DPP6: variants seen among roughly 807,000 people sequenced by gnomAD.
The protein encoded by DPP6 is A-type potassium channel modulatory protein DPP6.
DPP6 carries 69 observed loss-of-function variants against 122.6 expected under a neutral mutation model. That is an observed-to-expected ratio of 0.56 (90% confidence interval 0.46 to 0.69). The LOEUF is 0.69. DPP6 is among the 30% of genes least tolerant of loss of function. The pLI is 0.00. For missense variants in DPP6, 928 were observed against 1,116.9 expected, an observed-to-expected ratio of 0.83 and a Z score of 2.41; for synonymous variants, 418 against 433.1, an observed-to-expected ratio of 0.97 and a Z score of 0.43.
chr7:154,061,939 G>A (rs1452915828), intron 1 of DPP6, among the ~76,000 whole-genome samples: 1 of 132,984 alleles, frequency 7.5e-6, no homozygotes, highest in Non-Finnish European at 1.6e-5. Flanking sequence ...ATCGCAGGAG[G>A]GGGAGGCAAC....
the DPP6 span, among the ~76,000 whole-genome samples, chr7:153,872,440 C>G: frequency 6.6e-6 from 1 of 152,126 alleles, no homozygotes; most frequent in Non-Finnish European, 1.5e-5. Flanking sequence ...GTTAAATTAT[C>G]AGGACAAGTA....
chr7:154,052,885 C>G lies in DPP6; in HGVS notation c.65C>G (p.Pro22Arg). The change falls in exon 1 of 26, where the codon CCG (proline) becomes CGG (arginine). Residue 22 changes from proline to arginine, a missense_variant. Transcript: ENST00000377770. The surrounding 1 kb of genome is among the most constrained non-coding windows in gnomAD (Gnocchi z 4.8). ...ACCTCGAGGTCCTTCCCCGCGCCCC[C>G]GGAGGCGAGTCACCTCCTGGGCGGC... ...INTSRSFPAP[P>R]EASHLLGGQG... 1 of 1,531,448 alleles carries G rather than the reference C, an allele frequency of 6.5e-7. No homozygotes were observed. The highest frequency in any genetic ancestry group is 8.8e-7 in the Non-Finnish European group (1 of 1,139,512). 94.9% of individuals were successfully genotyped at this position (1,531,448 alleles called of 1,614,324 possible).
intron 1 of DPP6, among the ~76,000 whole-genome samples, chr7:154,420,061 G>C (rs1021751826): frequency 3.9e-5 from 6 of 152,230 alleles, no homozygotes; most frequent in African/African-American, 1.4e-4. Flanking sequence ...GAGAAGGCCG[G>C]CACGGTGGCT....
At chr7:154,363,695 A>G (rs1481900181) in intron 1 of DPP6, among the ~76,000 whole-genome samples, 1 of 152,162 alleles carries the variant, frequency 6.6e-6, no homozygotes, top group Non-Finnish European at 1.5e-5. Flanking sequence ...TTAAGACTCT[A>G]TTGTAGCTGA....
At chr7:154,712,111 A>G (rs1841225300) in intron 7 of DPP6, among the ~76,000 whole-genome samples, 1 of 152,212 alleles carries the variant, frequency 6.6e-6, no homozygotes, top group Non-Finnish European at 1.5e-5. Flanking sequence ...GTTAAAACCC[A>G]GCCAACTCAC....
chr7:153,858,127 T>C, the DPP6 span, among the ~76,000 whole-genome samples: 2 of 152,236 alleles, frequency 1.3e-5, no homozygotes, highest in African/African-American at 4.8e-5. Flanking sequence ...TTGCTTTTTC[T>C]TGTTTCTCTT....
the DPP6 span, among the ~76,000 whole-genome samples, chr7:153,780,678 T>TG: frequency 6.6e-6 from 1 of 151,982 alleles, no homozygotes; most frequent in African/African-American, 2.4e-5. Flanking sequence ...CCTGAGCATA[T>TG]GGGGGTTGAA....
chr7:153,870,875 A>T, the DPP6 span, among the ~76,000 whole-genome samples: 2 of 152,028 alleles, frequency 1.3e-5, no homozygotes, highest in African/African-American at 2.4e-5. Context: ...AACAGACAGG[A>T]CCCTCAGCTG....
chr7:154,474,295 T>C (rs1345987178), intron 2 of DPP6, among the ~76,000 whole-genome samples: 1 of 152,222 alleles, frequency 6.6e-6, no homozygotes, highest in Admixed American at 6.5e-5. Flanking sequence ...TAACTAAACA[T>C]CTCATCTTGG....
At chr7:154,803,246 C>T (rs370879586) in intron 13 of DPP6, among the ~76,000 whole-genome samples, 8 of 152,206 alleles carry the variant, frequency 5.3e-5, no homozygotes, top group South Asian at 4.2e-4. Flanking sequence ...ACTGAAACAT[C>T]GCTCCCGCCT....
chr7:153,984,165 A>T (rs1237942172), intron 1 of DPP6, among the ~76,000 whole-genome samples: 23 of 151,850 alleles, frequency 1.5e-4, no homozygotes, highest in Admixed American at 1.5e-3. Flanking sequence ...CACACAGCAA[A>T]TTTGTGGGTA....
chr7:154,867,450 C>G (rs763805423), intron 17 of DPP6, among the ~76,000 whole-genome samples: 3 of 152,206 alleles, frequency 2.0e-5, no homozygotes, highest in South Asian at 4.1e-4. Flanking sequence ...AAGGCTCACA[C>G]GACTCCACTG....
intron 4 of DPP6, among the ~76,000 whole-genome samples, chr7:154,543,077 A>C (rs1230688993): frequency 5.3e-5 from 8 of 152,278 alleles, no homozygotes; most frequent in African/African-American, 1.9e-4. Flanking sequence ...AGGAATTGGG[A>C]ATGGGGAGCA....
At chr7:154,336,377 A>G (rs1809423644) in intron 1 of DPP6, among the ~76,000 whole-genome samples, 1 of 152,132 alleles carries the variant, frequency 6.6e-6, no homozygotes, top group Non-Finnish European at 1.5e-5. Context: ...CTCTTGGTCC[A>G]TCTTGCTTCA....
At chr7:154,398,769 G>A in intron 1 of DPP6, among the ~76,000 whole-genome samples, 1 of 152,048 alleles carries the variant, frequency 6.6e-6, no homozygotes, top group East Asian at 1.9e-4. Flanking sequence ...TCTTGAGGGG[G>A]GAAATTATGT....
intron 5 of DPP6, among the ~76,000 whole-genome samples, chr7:154,617,096 G>T (rs1834310511): frequency 6.6e-6 from 1 of 152,150 alleles, no homozygotes; most frequent in African/African-American, 2.4e-5. Context: ...TGGCTTTTAA[G>T]AAGGCTCACT....
chr7:154,870,185 A>C (rs1050259461), intron 18 of DPP6, among the ~76,000 whole-genome samples: 1 of 136,112 alleles, frequency 7.3e-6, no homozygotes, highest in African/African-American at 2.8e-5. Context: ...GGGTCTCACT[A>C]TGTTGCCCAA....
intron 1 of DPP6, among the ~76,000 whole-genome samples, chr7:154,191,343 A>C (rs1311715013): frequency 6.6e-6 from 1 of 152,256 alleles, no homozygotes; most frequent in Non-Finnish European, 1.5e-5. Flanking sequence ...TAGACTTATT[A>C]AGGTATCTTG....
At chr7:153,869,865 G>A in the DPP6 span, among the ~76,000 whole-genome samples, 1 of 152,242 alleles carries the variant, frequency 6.6e-6, no homozygotes, top group African/African-American at 2.4e-5. Flanking sequence ...AAATCTCTCA[G>A]CATTTGCTTG....
Sources: gnomAD v4.1 joint callset for allele counts (sites outside exome capture counted in the v4.1 genomes callset) on GRCh38, gnomAD v4.1.1 for gene constraint, Gnocchi (gnomAD v3.1) non-coding constraint, MANE v1.5 for transcripts, NCBI Gene and HGNC (gene_info 2026-07-23, HGNC 2026-07-21) for gene names.